PARD3B: variants seen among roughly 807,000 people sequenced by gnomAD.
The protein encoded by PARD3B is partitioning defective 3 homolog B.
PARD3B carries 103 observed loss-of-function variants against 130.2 expected under a neutral mutation model. The observed-to-expected ratio is 0.79, with a 90% confidence interval of 0.67 to 0.93. The LOEUF is 0.93. PARD3B is among the 40% of genes least tolerant of loss of function. PARD3B has a pLI of 0.00. For missense variants in PARD3B, 1,609 were observed against 1,499.2 expected, an observed-to-expected ratio of 1.07 and a Z score of -1.21; for synonymous variants, 583 against 553.2, an observed-to-expected ratio of 1.05 and a Z score of -0.76.
intron 2 of PARD3B, among the ~76,000 whole-genome samples, chr2:204,957,368 G>C (rs1022445910): frequency 1.3e-5 from 2 of 152,114 alleles, no homozygotes; most frequent in East Asian, 1.9e-4. Context: ...AGGATAAATA[G>C]GGTTTTCAGT....
Position 205,121,967 on chromosome 2 carries a change from C to A in PARD3B, c.1165+18C>A. ...AAAGAAAGGTAATTATTAAATTATG[C>A]CTAATAGCATTCTATTATTGTAACA... On this transcript the variant is annotated intron_variant, in intron 8 of 22. Coordinates refer to ENST00000406610, the MANE Select transcript of PARD3B (RefSeq NM_001302769.2). The surrounding 1 kb of genome is among the most constrained non-coding windows in gnomAD (Gnocchi z 5.0). The A allele has an allele frequency of 6.4e-7, 1 of 1,557,482 alleles. No individual in the cohort carries two copies. The highest frequency in any genetic ancestry group is 8.8e-7 in the Non-Finnish European group (1 of 1,140,584).
chr2:205,361,664 G>A (rs1024269410), intron 18 of PARD3B, among the ~76,000 whole-genome samples: 2 of 152,110 alleles, frequency 1.3e-5, no homozygotes, highest in African/African-American at 4.8e-5. Flanking sequence ...AGTGTCAGTA[G>A]GTTTTACTCA....
At position 204,765,571 on chromosome 2, in the gene PARD3B, A is replaced by C. The variant is rs931315162; in HGVS notation, c.222+79289A>C. On this transcript the variant is annotated intron_variant, in intron 2 of 22. Coordinates refer to ENST00000406610, the MANE Select transcript of PARD3B (RefSeq NM_001302769.2). Reference sequence around the variant, plus strand: ...AGTCTGAGGCATTAATAATTTCAAAAGTCTTTTATAGTATTATTTCTTCAA... The same window carrying C: ...AGTCTGAGGCATTAATAATTTCAAACGTCTTTTATAGTATTATTTCTTCAA... Among the ~76,000 whole-genome samples the C allele has an allele frequency of 2.0e-5, 3 of 152,264 alleles. No individual in the cohort carries two copies. The South Asian group carries it at 6.2e-4, about 32-fold the overall frequency.
intron 1 of PARD3B, among the ~76,000 whole-genome samples, chr2:204,577,164 A>G (rs1019160544): frequency 7.2e-5 from 11 of 152,222 alleles, no homozygotes; most frequent in Non-Finnish European, 1.3e-4. Context: ...TATTTATAAT[A>G]TTGTGTGGCA....
chr2:204,593,986 A>G (rs149193647), intron 1 of PARD3B, among the ~76,000 whole-genome samples: 3 of 152,318 alleles, frequency 2.0e-5, no homozygotes, highest in Non-Finnish European at 2.9e-5. Context: ...TTACGTACCA[A>G]TATTAATAGT....
intron 1 of PARD3B, among the ~76,000 whole-genome samples, chr2:204,625,235 A>T (rs540156330): frequency 6.6e-6 from 1 of 152,290 alleles, no homozygotes; most frequent in Non-Finnish European, 1.5e-5. Flanking sequence ...TTGTGGATTC[A>T]AAAATAAAAA....
At chr2:205,204,396 G>C (rs1348765465) in intron 15 of PARD3B, among the ~76,000 whole-genome samples, 2 of 152,120 alleles carry the variant, frequency 1.3e-5, no homozygotes, top group Admixed American at 6.5e-5. Context: ...CCATTCTGTA[G>C]GTTGCCTGTT....
intron 4 of PARD3B, among the ~76,000 whole-genome samples, chr2:205,081,487 T>A (rs750942747): frequency 7.9e-5 from 12 of 152,058 alleles, no homozygotes; most frequent in Non-Finnish European, 1.5e-4. Flanking sequence ...TTCTCAATAT[T>A]TGTAGAACAT....
intron 2 of PARD3B, among the ~76,000 whole-genome samples, chr2:204,821,337 T>C (rs1197716379): frequency 6.6e-6 from 1 of 152,106 alleles, no homozygotes. Flanking sequence ...TAAGAAAATG[T>C]GGCAAACATA....
chr2:204,958,233 A>G (rs1400325822), intron 2 of PARD3B, among the ~76,000 whole-genome samples: 1 of 152,214 alleles, frequency 6.6e-6, no homozygotes, highest in Non-Finnish European at 1.5e-5. Flanking sequence ...TATAAAAATG[A>G]CAGAATGCTA....
chr2:205,010,759 G>C (rs1695644954), intron 3 of PARD3B, among the ~76,000 whole-genome samples: 1 of 151,732 alleles, frequency 6.6e-6, no homozygotes, highest in Non-Finnish European at 1.5e-5. Context: ...GAAACTTTTA[G>C]CATCCTCTAT....
At chr2:205,257,863 A>T (rs962074027) in intron 16 of PARD3B, among the ~76,000 whole-genome samples, 4 of 152,132 alleles carry the variant, frequency 2.6e-5, no homozygotes, top group African/African-American at 9.7e-5. Flanking sequence ...AGGGAATCTT[A>T]GTTTGAGCAA....
At chr2:204,573,465 T>G (rs944178691) in intron 1 of PARD3B, among the ~76,000 whole-genome samples, 4 of 152,160 alleles carry the variant, frequency 2.6e-5, no homozygotes, top group Non-Finnish European at 5.9e-5. Flanking sequence ...TCATTGAGAC[T>G]TAAAGAGGTT....
chr2:204,997,845 T>C (rs1401099034), intron 3 of PARD3B, among the ~76,000 whole-genome samples: 1 of 149,750 alleles, frequency 6.7e-6, no homozygotes, highest in African/African-American at 2.4e-5. Flanking sequence ...ATAATTATTT[T>C]ATATTAATTT....
chr2:205,491,320 C>A (rs904230168), intron 20 of PARD3B, among the ~76,000 whole-genome samples: 6 of 152,122 alleles, frequency 3.9e-5, no homozygotes, highest in Non-Finnish European at 5.9e-5. Flanking sequence ...TCAGCTTTCT[C>A]CATATGGCTA....
chr2:204,583,622 T>TAAAAAAA (rs1183973275), intron 1 of PARD3B, among the ~76,000 whole-genome samples: 19 of 70,614 alleles, frequency 2.7e-4, no homozygotes, highest in Admixed American at 5.2e-4. Context: ...ACTTAAAGTA[T>TAAAAAAA]AAAAAAAAAA....
intron 1 of PARD3B, among the ~76,000 whole-genome samples, chr2:204,667,186 G>A (rs746832415): frequency 5.9e-5 from 9 of 152,100 alleles, no homozygotes; most frequent in Non-Finnish European, 1.3e-4. Context: ...ATTTCTCTTT[G>A]ATTAGAGTTC....
chr2:204,788,446 T>C (rs2042088391), intron 2 of PARD3B, among the ~76,000 whole-genome samples: 1 of 152,208 alleles, frequency 6.6e-6, no homozygotes, highest in Non-Finnish European at 1.5e-5. Context: ...CGTAGCAGAG[T>C]TCTTAATCAG....
At chr2:205,609,313 G>C (rs1177009398) in intron 22 of PARD3B, among the ~76,000 whole-genome samples, 3 of 152,162 alleles carry the variant, frequency 2.0e-5, no homozygotes, top group Non-Finnish European at 4.4e-5. Flanking sequence ...AAGCTTTGCA[G>C]TATTTGTAGA....
Sources: gnomAD v4.1 joint callset for allele counts (sites outside exome capture counted in the v4.1 genomes callset) on GRCh38, gnomAD v4.1.1 for gene constraint, Gnocchi (gnomAD v3.1) non-coding constraint, MANE v1.5 for transcripts, NCBI Gene and HGNC (gene_info 2026-07-23, HGNC 2026-07-21) for gene names.